EYS: variants seen among roughly 807,000 people sequenced by gnomAD.
EYS encodes EGF-like photoreceptor maintenance factor.
EYS carries 250 observed loss-of-function variants against 282.1 expected under a neutral mutation model. That is an observed-to-expected ratio of 0.89 (90% CI 0.80 to 0.98). The LOEUF is 0.98. Among genes scored for constraint, EYS ranks in the 50% least tolerant of loss-of-function variants. The probability of loss-of-function intolerance (pLI) is 0.00; values close to 1 mark genes in which losing one functional copy is unlikely to be tolerated. For missense variants in EYS, 4,016 were observed against 3,709.0 expected (o/e 1.08, Z -2.15); for synonymous variants, 1,355 against 1,282.9 (o/e 1.06, Z -1.20).
chr6:64,504,315 A>T (rs1777145085), intron 26 of EYS, among the ~76,000 whole-genome samples: 1 of 152,170 alleles, frequency 6.6e-6, no homozygotes. Flanking sequence ...ATATTTGAAA[A>T]TCACCCTAAC....
chr6:64,868,065 C>T (rs1766479941), intron 19 of EYS, among the ~76,000 whole-genome samples: 1 of 151,282 alleles, frequency 6.6e-6, no homozygotes, highest in African/African-American at 2.4e-5. Context: ...GAAAAGATGG[C>T]ATATTTCAAA....
intron 2 of EYS, among the ~76,000 whole-genome samples, chr6:65,506,288 C>T (rs750430031): frequency 6.6e-6 from 1 of 151,750 alleles, no homozygotes; most frequent in East Asian, 1.9e-4. Flanking sequence ...CTCTGATAAG[C>T]AATTTTTTTG....
chr6:64,568,333 A>C (rs1318947538), intron 26 of EYS, among the ~76,000 whole-genome samples: 1 of 152,316 alleles, frequency 6.6e-6, no homozygotes, highest in East Asian at 1.9e-4. Context: ...GAAGATGAAC[A>C]TGAAAAAGAG....
rs1407847844 is a variant in EYS at position 64,826,622 on chromosome 6, C to T, written c.2993-3800G>A. ...GTTTGATCAGCAAAACATTTTCGTG[C>T]ATCAACAATATTATAATAGAAATTA... On this transcript the variant is annotated intron_variant, in intron 19 of 42. Transcript: ENST00000503581. Among the ~76,000 whole-genome samples, 3 of 150,270 alleles carry T rather than the reference C, an allele frequency of 2.0e-5. No homozygotes were observed. In the Admixed American group the frequency reaches 2.0e-4, roughly 10 times the overall value.
At chr6:65,591,533 C>G (rs1251829819) in intron 2 of EYS, among the ~76,000 whole-genome samples, 1 of 151,860 alleles carries the variant, frequency 6.6e-6, no homozygotes, top group Non-Finnish European at 1.5e-5. Context: ...CTTTCTAGTT[C>G]TTGGTTTATT....
chr6:64,067,288 T>C (rs557219914), intron 32 of EYS, among the ~76,000 whole-genome samples: 4 of 152,078 alleles, frequency 2.6e-5, no homozygotes, highest in Non-Finnish European at 4.4e-5. Context: ...AGCATAAAGC[T>C]CAGTAAGTAA....
chr6:64,643,500 G>A (rs190541964), intron 22 of EYS, among the ~76,000 whole-genome samples: 3 of 152,266 alleles, frequency 2.0e-5, no homozygotes, highest in Admixed American at 6.5e-5. Flanking sequence ...ATCCCACGTG[G>A]TCCTGGGCAG....
intron 33 of EYS, among the ~76,000 whole-genome samples, chr6:64,049,740 A>G (rs1770744135): frequency 6.6e-6 from 1 of 152,216 alleles, no homozygotes; most frequent in Non-Finnish European, 1.5e-5. Flanking sequence ...CGGAGAAACT[A>G]GACAGGGCAC....
chr6:65,680,526 A>G (rs1431681681), intron 1 of EYS, among the ~76,000 whole-genome samples: 1 of 151,980 alleles, frequency 6.6e-6, no homozygotes, highest in Non-Finnish European at 1.5e-5. Flanking sequence ...AAACTAGTTT[A>G]TTTTGTTTTC....
chr6:64,420,193 C>A (rs542367382), intron 28 of EYS, among the ~76,000 whole-genome samples: 1 of 151,990 alleles, frequency 6.6e-6, no homozygotes, highest in Non-Finnish European at 1.5e-5. Context: ...GGGGCTTACA[C>A]CCTCTGAAGC....
intron 35 of EYS, among the ~76,000 whole-genome samples, chr6:63,864,586 A>G (rs1202662240): frequency 1.3e-5 from 2 of 152,162 alleles, no homozygotes; most frequent in Middle Eastern, 3.2e-3. Flanking sequence ...TGAAGCCATG[A>G]ATTCTATTTT....
At chr6:65,344,219 A>G (rs1477193683) in intron 9 of EYS, 42 bp from the exon 10 acceptor site, 1 of 1,479,998 alleles carries the variant, frequency 6.8e-7, no homozygotes. Flanking sequence ...AACTCTTACA[A>G]ACTTGAATTC....
At chr6:64,168,552 G>C (rs949382391) in intron 31 of EYS, among the ~76,000 whole-genome samples, 1 of 151,996 alleles carries the variant, frequency 6.6e-6, no homozygotes, top group Non-Finnish European at 1.5e-5. Flanking sequence ...CTTGTAAATC[G>C]ATAAAAAGTA....
intron 22 of EYS, among the ~76,000 whole-genome samples, chr6:64,799,695 T>C (rs924030): frequency 1 from 149,610 of 149,924 alleles, 74,648 homozygotes; most frequent in Non-Finnish European, 1. Flanking sequence ...ATATAATTAA[T>C]ACATTTATAC....
chr6:65,262,811 A>G (rs951021304), intron 12 of EYS, among the ~76,000 whole-genome samples: 7 of 152,092 alleles, frequency 4.6e-5, no homozygotes, highest in Non-Finnish European at 8.8e-5. Flanking sequence ...TACCTTTAAA[A>G]GATTTTAAGG....
intron 26 of EYS, among the ~76,000 whole-genome samples, chr6:64,467,907 C>A (rs1237175538): frequency 6.6e-6 from 1 of 152,104 alleles, no homozygotes; most frequent in African/African-American, 2.4e-5. Flanking sequence ...GCCTGTCCAG[C>A]CTGTTAATGA....
chr6:63,777,794 G>A, intron 40 of EYS: 1 of 492,588 alleles, frequency 2.0e-6, no homozygotes, highest in Non-Finnish European at 3.6e-6. Context: ...CACTGTCATT[G>A]TTTCACAGAA....
intron 2 of EYS, among the ~76,000 whole-genome samples, chr6:65,567,035 G>C (rs1203181036): frequency 6.6e-6 from 1 of 151,946 alleles, no homozygotes; most frequent in Non-Finnish European, 1.5e-5. Context: ...AAGGTGCTTA[G>C]ATCATGAGGG....
At chr6:64,661,502 A>G (rs1475939709) in intron 22 of EYS, among the ~76,000 whole-genome samples, 1 of 152,238 alleles carries the variant, frequency 6.6e-6, no homozygotes, top group Non-Finnish European at 1.5e-5. Context: ...ACAAAGGGCT[A>G]ATATCCAGAA....
Sources: allele counts gnomAD v4.1 joint callset (sites outside exome capture counted in the v4.1 genomes callset), GRCh38; gene constraint gnomAD v4.1.1; transcripts MANE v1.5; gene names NCBI Gene and HGNC (gene_info 2026-07-23, HGNC 2026-07-21).